The following CHSY3 variants were observed in gnomAD, a reference collection of about 807,000 sequenced individuals.
CHSY3 encodes chondroitin sulfate synthase 3.
In CHSY3, 35 loss-of-function variants were observed where a neutral mutation model predicts 67.2. That is an observed-to-expected ratio of 0.52 (90% CI 0.40 to 0.69). CHSY3 has a LOEUF of 0.69. Among genes scored for constraint, CHSY3 ranks in the 30% least tolerant of loss-of-function variants. The pLI is 0.00. For missense variants in CHSY3, 1,069 were observed against 1,138.5 expected, an observed-to-expected ratio of 0.94 and a Z score of 0.88; for synonymous variants, 474 against 434.7, an observed-to-expected ratio of 1.09 and a Z score of -1.12.
At chr5:130,055,690 A>ACAG (rs1163292788) in intron 2 of CHSY3, among the ~76,000 whole-genome samples, 2 of 152,062 alleles carry the variant, frequency 1.3e-5, no homozygotes, top group Admixed American at 6.6e-5. Flanking sequence ...CAGGAGAACA[A>ACAG]CAGCAGCAGC....
At chr5:129,994,096 G>A (rs1763455426) in intron 2 of CHSY3, among the ~76,000 whole-genome samples, 1 of 152,176 alleles carries the variant, frequency 6.6e-6, no homozygotes, top group Admixed American at 6.5e-5. Flanking sequence ...TAGTGTGATG[G>A]ACTTCCCCTT....
intron 2 of CHSY3, among the ~76,000 whole-genome samples, chr5:130,083,996 A>T (rs1457027997): frequency 6.6e-6 from 1 of 151,672 alleles, no homozygotes; most frequent in Non-Finnish European, 1.5e-5. Flanking sequence ...TTTACTACCC[A>T]CCTTTTATAT....
intron 2 of CHSY3, among the ~76,000 whole-genome samples, chr5:130,177,425 C>T (rs1770089159): frequency 6.6e-6 from 1 of 151,948 alleles, no homozygotes; most frequent in South Asian, 2.1e-4. Context: ...TTGGGAATAA[C>T]AAATCTATTA....
At chr5:129,964,280 A>G (rs1196016624) in intron 2 of CHSY3, among the ~76,000 whole-genome samples, 1 of 151,880 alleles carries the variant, frequency 6.6e-6, no homozygotes. Flanking sequence ...ATATACAAAT[A>G]TGTGAGGAAG....
intron 2 of CHSY3, among the ~76,000 whole-genome samples, chr5:129,957,535 A>G (rs1022793322): frequency 4.6e-5 from 7 of 152,184 alleles, no homozygotes; most frequent in African/African-American, 1.7e-4. Flanking sequence ...GCCTGCAAGT[A>G]TGAAAGTATC....
chr5:130,049,557 C>G, intron 2 of CHSY3, among the ~76,000 whole-genome samples: 1 of 152,022 alleles, frequency 6.6e-6, no homozygotes, highest in East Asian at 1.9e-4. Context: ...CTTTAAATAT[C>G]TTTTATTTGA....
chr5:130,055,943 T>C (rs991584669), intron 2 of CHSY3, among the ~76,000 whole-genome samples: 6 of 152,006 alleles, frequency 3.9e-5, no homozygotes, highest in Non-Finnish European at 7.4e-5. Flanking sequence ...GTAGAAAGAT[T>C]TGGAGGGGGA....
intron 2 of CHSY3, among the ~76,000 whole-genome samples, chr5:130,153,616 A>T (rs1769291552): frequency 6.6e-6 from 1 of 152,110 alleles, no homozygotes. Flanking sequence ...CTACTTCAGC[A>T]TGCATCACAC....
chr5:130,169,407 C>T (rs1404108033), intron 2 of CHSY3, among the ~76,000 whole-genome samples: 1 of 152,040 alleles, frequency 6.6e-6, no homozygotes, highest in Admixed American at 6.6e-5. Context: ...GGAAGGTGGT[C>T]ACATTTTACC....
intron 2 of CHSY3, among the ~76,000 whole-genome samples, chr5:129,963,284 G>T (rs965482223): frequency 5.3e-5 from 8 of 151,898 alleles, no homozygotes; most frequent in Non-Finnish European, 4.4e-5. Flanking sequence ...CTACTACCTT[G>T]GTTGATAGCT....
chr5:130,089,396 TAA>T (rs1004179505), intron 2 of CHSY3, among the ~76,000 whole-genome samples: 1 of 151,706 alleles, frequency 6.6e-6, no homozygotes, highest in Non-Finnish European at 1.5e-5. Flanking sequence ...AAATTAAAAA[TAA>T]AAAAATTTAA....
chr5:129,909,833 T>C (rs924304023), intron 2 of CHSY3, among the ~76,000 whole-genome samples: 4 of 151,974 alleles, frequency 2.6e-5, no homozygotes, highest in African/African-American at 9.7e-5. Context: ...AGTAAAAAAA[T>C]ATTTGTGTGG....
intron 2 of CHSY3, among the ~76,000 whole-genome samples, chr5:130,027,017 G>A (rs918479405): frequency 2.0e-5 from 3 of 152,162 alleles, no homozygotes; most frequent in Admixed American, 6.6e-5. Flanking sequence ...CTAGGGTGTC[G>A]CAACCTCACG....
chr5:129,908,723 T>G (rs1227331409), intron 2 of CHSY3, among the ~76,000 whole-genome samples: 2 of 152,206 alleles, frequency 1.3e-5, no homozygotes, highest in African/African-American at 2.4e-5. Context: ...CCTTTAGCAT[T>G]TGGTACTGTG....
At chr5:130,024,706 A>G (rs1378432524) in intron 2 of CHSY3, among the ~76,000 whole-genome samples, 1 of 152,172 alleles carries the variant, frequency 6.6e-6, no homozygotes, top group Non-Finnish European at 1.5e-5. Context: ...CATGAATAGC[A>G]TGAAAAAAAA....
At chr5:130,136,916 C>T (rs1172891108) in intron 2 of CHSY3, among the ~76,000 whole-genome samples, 2 of 152,264 alleles carry the variant, frequency 1.3e-5, no homozygotes, top group Middle Eastern at 3.4e-3. Flanking sequence ...ATTTTAATCT[C>T]GGGTTCTCAA....
chr5:129,921,413 T>TGTCC (rs2149583335), intron 2 of CHSY3, among the ~76,000 whole-genome samples: 1 of 152,318 alleles, frequency 6.6e-6, no homozygotes, highest in African/African-American at 2.4e-5. Context: ...AGACGACTCA[T>TGTCC]GTCCTGGGCA....
chr5:130,168,471 C>T (rs2149731522), intron 2 of CHSY3, among the ~76,000 whole-genome samples: 1 of 152,192 alleles, frequency 6.6e-6, no homozygotes, highest in African/African-American at 2.4e-5. Context: ...CTATGAGTCA[C>T]TACTTAAATA....
intron 2 of CHSY3, among the ~76,000 whole-genome samples, chr5:130,077,024 C>G (rs981080387): frequency 2.7e-5 from 4 of 150,886 alleles, no homozygotes; most frequent in Non-Finnish European, 5.9e-5. Flanking sequence ...GTGCAGCACA[C>G]CAGCATGGCA....
Sources: allele counts gnomAD v4.1 joint callset (sites outside exome capture counted in the v4.1 genomes callset), GRCh38; gene constraint gnomAD v4.1.1; transcripts MANE v1.5; gene names NCBI Gene and HGNC (gene_info 2026-07-23, HGNC 2026-07-21).